TTC6: variants seen among roughly 807,000 people sequenced by gnomAD.
TTC6 encodes tetratricopeptide repeat protein 6.
In TTC6, 172 loss-of-function variants were observed where a neutral mutation model predicts 210.4. The ratio of observed to expected loss-of-function variants is 0.82; its 90% confidence interval spans 0.72 to 0.93. The LOEUF is 0.93. Ranked by LOEUF, TTC6 falls within the 40% of genes least tolerant of loss-of-function variation. The probability of loss-of-function intolerance (pLI) is 0.00; values close to 1 mark genes in which losing one functional copy is unlikely to be tolerated. For missense variants in TTC6, 2,414 were observed against 2,318.1 expected, an observed-to-expected ratio of 1.04 and a Z score of -0.85; for synonymous variants, 804 against 819.6, an observed-to-expected ratio of 0.98 and a Z score of 0.32.
chr14:37,625,023 T>C (rs1274767740), intron 1 of TTC6, among the ~76,000 whole-genome samples: 9 of 152,138 alleles, frequency 5.9e-5, no homozygotes, highest in Non-Finnish European at 5.9e-5. Flanking sequence ...TTGGACAGCA[T>C]CAGGTGTCTC....
intron 20 of TTC6, among the ~76,000 whole-genome samples, chr14:37,804,329 A>C (rs1329771932): frequency 2.0e-5 from 3 of 152,244 alleles, no homozygotes; most frequent in Non-Finnish European, 4.4e-5. Flanking sequence ...AGAAATTATT[A>C]GGAAATTGTC....
At chr14:37,812,553 A>C in intron 25 of TTC6, 120 bp downstream of exon 27, 1 of 989,368 alleles carries the variant, frequency 1.0e-6, no homozygotes, top group South Asian at 2.4e-5. Context: ...CTTTAGCAAG[A>C]ATTCTATTAA....
intron 2 of TTC6, 88 bp from the exon 5 acceptor site, chr14:37,682,670 C>T: frequency 8.9e-7 from 1 of 1,117,736 alleles, no homozygotes; most frequent in Non-Finnish European, 1.3e-6. Context: ...TCATATTCAT[C>T]TTGTCAGATA....
chr14:37,600,706 A>T (rs553503547), intron 1 of TTC6, among the ~76,000 whole-genome samples: 1 of 152,236 alleles, frequency 6.6e-6, no homozygotes, highest in East Asian at 1.9e-4. Context: ...ATTTCCCCCC[A>T]TATTTTGAAA....
Position 37,667,831 on chromosome 14 carries a change from T to C in TTC6, c.940-12320T>C, listed in dbSNP as rs183252678. Among the ~76,000 whole-genome samples the C allele has an allele frequency of 5.5e-4, 83 of 150,314 alleles. No homozygotes were observed. The East Asian group carries it at 0.016, about 29-fold the overall frequency. On this transcript the variant is annotated intron_variant, in intron 1 of 30. Transcript: ENST00000553443. ...AAAGTTTATTCACCAGACACTAGTATTAATTTATTTTAAAATTTGGCTGGG... is the reference window on the plus strand; with the variant it reads ...AAAGTTTATTCACCAGACACTAGTACTAATTTATTTTAAAATTTGGCTGGG...
chr14:37,694,488 A>G (rs1198857114), intron 3 of TTC6, among the ~76,000 whole-genome samples: 1 of 152,182 alleles, frequency 6.6e-6, no homozygotes, highest in African/African-American at 2.4e-5. Flanking sequence ...AATGTAAATT[A>G]GTACAACCAC....
chr14:37,841,688 A>G lies in TTC6; in HGVS notation c.5524+18A>G, dbSNP rs1431298472. ...TAATAAAGGTACACTTTTGGTAATT[A>G]TTCTGGTAAGATTACAGTGGTTGAA... On this transcript the variant is annotated intron_variant, in intron 30 of 30. Coordinates refer to ENST00000553443, the Ensembl canonical transcript of TTC6. 4 of 1,573,370 alleles carry G rather than the reference A, an allele frequency of 2.5e-6. No individual in the cohort carries two copies. The African/African-American group carries it at 5.4e-5, about 21-fold the overall frequency.
chr14:37,623,036 C>T (rs2095654493), intron 1 of TTC6, 33 bp downstream of exon 3: 5 of 1,417,432 alleles, frequency 3.5e-6, no homozygotes, highest in Non-Finnish European at 1.8e-6. Flanking sequence ...AACATTTTTC[C>T]CAAATGCAAT....
intron 1 of TTC6, among the ~76,000 whole-genome samples, chr14:37,600,700 C>T (rs2095614097): frequency 6.6e-6 from 1 of 152,138 alleles, no homozygotes; most frequent in Admixed American, 6.5e-5. Context: ...TTTCTGATTT[C>T]CCCCCATATT....
chr14:37,824,825 A>G (rs936909953), intron 27 of TTC6, among the ~76,000 whole-genome samples: 1 of 152,188 alleles, frequency 6.6e-6, no homozygotes, highest in African/African-American at 2.4e-5. Flanking sequence ...CCAGCCCATC[A>G]GAAAGTCTTG....
chr14:37,751,629 GCT>G (rs2095952266), intron 13 of TTC6, among the ~76,000 whole-genome samples: 1 of 152,032 alleles, frequency 6.6e-6, no homozygotes, highest in African/African-American at 2.4e-5. Flanking sequence ...GAACCTATCT[GCT>G]CTCAAAGAAG....
chr14:37,674,658 C>T (rs1173121738), intron 1 of TTC6, among the ~76,000 whole-genome samples: 1 of 152,096 alleles, frequency 6.6e-6, no homozygotes. Flanking sequence ...ATTCCACCTT[C>T]CATGTGATTT....
rs565918471 is a variant in TTC6 at position 37,832,694 on chromosome 14, T to C, written c.5298+5328T>C. Reference sequence around the variant, plus strand: ...AGATACTTGATATGATTTTGATTTTTATTATTTGTTGAGACTTGTTTTGTG... The same window carrying C: ...AGATACTTGATATGATTTTGATTTTCATTATTTGTTGAGACTTGTTTTGTG... On this transcript the variant is annotated intron_variant, in intron 29 of 30. Transcript: ENST00000553443. 3.3e-5 allele frequency among the ~76,000 whole-genome samples: 5 copies of C among 152,292 alleles called. No individual in the cohort carries two copies. The East Asian group carries it at 9.6e-4, about 29-fold the overall frequency.
intron 10 of TTC6, among the ~76,000 whole-genome samples, chr14:37,746,541 T>C (rs1480744568): frequency 1.3e-5 from 2 of 152,174 alleles, no homozygotes; most frequent in Non-Finnish European, 1.5e-5. Flanking sequence ...CTTTGGGTAA[T>C]TCTGATGCAT....
chr14:37,710,287 C>A (rs1390217706), intron 5 of TTC6, among the ~76,000 whole-genome samples: 1 of 152,096 alleles, frequency 6.6e-6, no homozygotes, highest in African/African-American at 2.4e-5. Flanking sequence ...AGGGAGATCC[C>A]TTCTCCATGC....
intron 10 of TTC6, among the ~76,000 whole-genome samples, chr14:37,747,145 C>T (rs781244961): frequency 1.3e-5 from 2 of 152,140 alleles, no homozygotes; most frequent in African/African-American, 2.4e-5. Flanking sequence ...ACATCATTCC[C>T]TGCTAACACT....
At chr14:37,597,283 G>A (rs938541296) in intron 1 of TTC6, among the ~76,000 whole-genome samples, 1 of 152,060 alleles carries the variant, frequency 6.6e-6, no homozygotes, top group Non-Finnish European at 1.5e-5. Flanking sequence ...GCCTGATCCG[G>A]GGGACTTTCA....
intron 29 of TTC6, among the ~76,000 whole-genome samples, chr14:37,838,900 G>A (rs534192642): frequency 7.9e-5 from 12 of 152,158 alleles, no homozygotes; most frequent in South Asian, 4.1e-4. Context: ...GAGAACATGC[G>A]GTGTTTGGTT....
chr14:37,679,522 A>C (rs1409594802), intron 1 of TTC6, among the ~76,000 whole-genome samples: 1 of 152,048 alleles, frequency 6.6e-6, no homozygotes, highest in Non-Finnish European at 1.5e-5. Context: ...ATTAAATTTT[A>C]GTTTTGATTT....
Sources: gnomAD v4.1 joint callset for allele counts (sites outside exome capture counted in the v4.1 genomes callset) on GRCh38, gnomAD v4.1.1 for gene constraint, MANE v1.5 for transcripts, NCBI Gene and HGNC (gene_info 2026-07-23, HGNC 2026-07-21) for gene names.